Variants in LSMEM2 observed in about 807,000 individuals in gnomAD.
The protein encoded by LSMEM2 is leucine-rich single-pass membrane protein 2.
LSMEM2 carries 20 observed loss-of-function variants against 17.3 expected under a neutral mutation model. The observed-to-expected ratio is 1.16, with a 90% confidence interval of 0.81 to 1.68. LSMEM2 has a LOEUF of 1.68. Among genes scored for constraint, LSMEM2 ranks in the 40% most tolerant of loss-of-function variants. The probability of loss-of-function intolerance (pLI) is 0.00; values close to 1 mark genes in which losing one functional copy is unlikely to be tolerated. For synonymous variants in LSMEM2, 94 were observed against 97.8 expected (o/e 0.96, Z 0.23); for missense variants, 207 against 214.3 (o/e 0.97, Z 0.21).
chr3:50,278,932 T>C, upstream of LSMEM2: 1 of 626,062 alleles, frequency 1.6e-6, no homozygotes, highest in South Asian at 1.9e-5. Flanking sequence ...CCTCACCAGG[T>C]AGATAGTTCA....
intron 1 of LSMEM2, among the ~76,000 whole-genome samples, chr3:50,285,652 A>G (rs1459961554): frequency 6.6e-6 from 1 of 152,182 alleles, no homozygotes; most frequent in East Asian, 1.9e-4. Context: ...AAAACAAACA[A>G]ACAAACAAAA....
chr3:50,279,665 A>G (rs1352078226), intron 1 of LSMEM2, among the ~76,000 whole-genome samples: 1 of 152,128 alleles, frequency 6.6e-6, no homozygotes, highest in African/African-American at 2.4e-5. Flanking sequence ...GGTCAGACAG[A>G]GACTCAGCTA....
intron 1 of LSMEM2, 53 bp from the exon 2 acceptor site, chr3:50,286,418 A>C (rs1701527662): frequency 6.6e-7 from 1 of 1,526,174 alleles, no homozygotes; most frequent in Admixed American, 2.1e-5. Context: ...CACCTGGTAG[A>C]AGGAAGGGGG....
At position 50,287,198 on chromosome 3, in the gene LSMEM2, G is replaced by A. The variant is rs1553708721; in HGVS notation, c.491G>A (p.Ser164Asn). The change falls in exon 4 of 4, where the codon AGC becomes AAC. Residue 164 changes from serine (S) to asparagine (N), a missense_variant. Physicochemically the swap from Ser to Asn is conservative, Grantham distance 46. Transcript: ENST00000316436. ...AACTCCAGTGAGGCCCAAGCACCCA[G>A]CTGAGATGCCATTTGGATCTGGGGC... ...RLNSSEAQAP[S>N] 1 of 1,613,224 alleles carries A rather than the reference G, an allele frequency of 6.2e-7. No homozygotes were observed. Among genetic ancestry groups the A allele is most frequent in the South Asian group, 1.1e-5 (1 of 91,078 alleles).
At chr3:50,286,374 T>A (rs1473560806) in intron 1 of LSMEM2, 97 bp from the exon 2 acceptor site, 11 of 1,468,986 alleles carry the variant, frequency 7.5e-6, no homozygotes, top group Non-Finnish European at 9.9e-6. Context: ...TGTCCCACTA[T>A]CCCTATCATC....
At chr3:50,283,990 G>A (rs1343718030) in intron 1 of LSMEM2, among the ~76,000 whole-genome samples, 1 of 152,152 alleles carries the variant, frequency 6.6e-6, no homozygotes, top group Non-Finnish European at 1.5e-5. Context: ...TGGATCACTT[G>A]AGGTCAGGAG....
intron 1 of LSMEM2, among the ~76,000 whole-genome samples, chr3:50,285,533 A>G (rs1553708279): frequency 1.3e-5 from 2 of 151,836 alleles, no homozygotes; most frequent in African/African-American, 4.8e-5. Context: ...CCAGCTACTC[A>G]GGAGGCTGAT....
intron 1 of LSMEM2, among the ~76,000 whole-genome samples, chr3:50,280,923 T>TA (rs1701381322): frequency 1.3e-5 from 2 of 152,106 alleles, no homozygotes. Flanking sequence ...GTGCTGGGAT[T>TA]AGAGGCATAA....
In LSMEM2 at chr3:50,287,207, C is replaced by G. The variant is rs1470347262; in HGVS notation, c.*5C>G. 1 of 1,613,468 alleles carries G rather than the reference C, an allele frequency of 6.2e-7. No individual in the cohort carries two copies. The highest frequency in any genetic ancestry group is 2.2e-5 in the East Asian group (1 of 44,792). On this transcript the variant is annotated 3_prime_UTR_variant, in exon 4 of 4. Coordinates refer to ENST00000316436, the MANE Select transcript of LSMEM2 (RefSeq NM_153215.3). ...GAGGCCCAAGCACCCAGCTGAGATGCCATTTGGATCTGGGGCCTGGGGGTG... is the reference window on the plus strand; with the variant it reads ...GAGGCCCAAGCACCCAGCTGAGATGGCATTTGGATCTGGGGCCTGGGGGTG...
chr3:50,283,626 CAAAAAAAAAAA>C (rs782534727), intron 1 of LSMEM2, among the ~76,000 whole-genome samples: 2 of 53,594 alleles, frequency 3.7e-5, no homozygotes, highest in Non-Finnish European at 7.3e-5. Context: ...GACTCCATCT[CAAAAAAAAAAA>C]AAAAAAAAAA....
At chr3:50,278,982 G>A (rs1371410353), upstream of LSMEM2, 3 of 934,870 alleles carry the variant, frequency 3.2e-6, no homozygotes, top group Non-Finnish European at 3.3e-6. Flanking sequence ...TCCCATGGCT[G>A]AGGGCTGCCC....
rs12493693 is a variant in LSMEM2 at position 50,285,500 on chromosome 3, C to T, written c.59-971C>T. Among the ~76,000 whole-genome samples the T allele has an allele frequency of 0.054, 8,105 of 149,642 alleles. 1,541 individuals carry two copies. In the East Asian group the frequency reaches 0.61, roughly 11 times the overall value. ...ACCAAAAATACAAAAATTAGCTGGG[C>T]GTGGTGGCACACGCCTGTAATCCCA... On this transcript the variant is annotated intron_variant, in intron 1 of 3. Coordinates refer to ENST00000316436, the MANE Select transcript of LSMEM2 (RefSeq NM_153215.3).
upstream of LSMEM2, among the ~76,000 whole-genome samples, chr3:50,278,280 G>A (rs1323867379): frequency 6.6e-6 from 1 of 152,230 alleles, no homozygotes; most frequent in Non-Finnish European, 1.5e-5. Flanking sequence ...AAAGCTGGAA[G>A]CTGGACCACC....
At chr3:50,279,278 A>G in intron 1 of LSMEM2, 107 bp downstream of exon 1, 1 of 1,036,986 alleles carries the variant, frequency 9.6e-7, no homozygotes, top group Non-Finnish European at 1.5e-6. Flanking sequence ...TTGAGTAGTT[A>G]GTTACCCATT....
intron 1 of LSMEM2, among the ~76,000 whole-genome samples, 199 bp downstream of exon 1, chr3:50,279,370 C>G (rs1701343062): frequency 6.6e-6 from 1 of 152,234 alleles, no homozygotes. Context: ...CTTGTCACCT[C>G]AGGCCCTGCT....
chr3:50,287,078 G>T lies in LSMEM2; in HGVS notation c.371G>T (p.Ser124Ile). 6.2e-7 allele frequency: 1 copy of T among 1,614,174 alleles called. No homozygotes were observed. Among genetic ancestry groups the T allele is most frequent in the Non-Finnish European group, 8.5e-7 (1 of 1,180,018 alleles). ...LLAVYLSVLQSESLRILAHTL... is the reference protein window; with the variant it reads ...LLAVYLSVLQIESLRILAHTL... ...CACTTCCCATTCACAGTGCTGCAGA[G>T]TGAATCCCTGCGCATCCTGGCACAC... The change falls in exon 4 of 4, where the codon AGT becomes ATT. Residue 124 changes from serine (S) to isoleucine (I), a missense_variant. Physicochemically the swap from Ser to Ile is moderately radical, Grantham distance 142. Coordinates refer to ENST00000316436, the MANE Select transcript of LSMEM2 (RefSeq NM_153215.3).
Position 50,286,546 on chromosome 3 carries a change from T to A in LSMEM2, c.134T>A (p.Leu45Gln). 6.2e-7 allele frequency: 1 copy of A among 1,612,480 alleles called. No individual in the cohort carries two copies. The highest frequency in any genetic ancestry group is 8.5e-7 in the Non-Finnish European group (1 of 1,179,416). Residue 45 changes from leucine to glutamine, a missense_variant, in exon 2 of 4, where the codon CTG (leucine) becomes CAG (glutamine). Transcript: ENST00000316436. ...CCCAACCACGTGCATGAGGTATGCCTGCACCAGGTGGAGTCCATCAGCGAC... is the reference window on the plus strand; with the variant it reads ...CCCAACCACGTGCATGAGGTATGCCAGCACCAGGTGGAGTCCATCAGCGAC... ...LAPNHVHEVC[L>Q]HQVESISDLH...
chr3:50,283,006 G>A (rs1400068342), intron 1 of LSMEM2, among the ~76,000 whole-genome samples: 1 of 151,904 alleles, frequency 6.6e-6, no homozygotes, highest in Non-Finnish European at 1.5e-5. Context: ...CCAACATGGT[G>A]AAACCCCGTC....
chr3:50,287,877 C>T lies in LSMEM2; in HGVS notation c.*675C>T, dbSNP rs1474478084. ...TGCCACCACCCCCCTAAGAGTGGGT[C>T]ATCCTGGGGGAGCAAGGCCTGAGAA... is the stretch of plus-strand genomic sequence containing the variant. On this transcript the variant is annotated 3_prime_UTR_variant, in exon 4 of 4. Coordinates refer to ENST00000316436, the MANE Select transcript of LSMEM2 (RefSeq NM_153215.3). The T allele has an allele frequency of 5.5e-6, 2 of 364,144 alleles. No individual in the cohort carries two copies. Among genetic ancestry groups the T allele is most frequent in the Admixed American group, 4.1e-5 (1 of 24,654 alleles). The allele number at this position is 364,144 out of a possible 1,614,324, so 22.6% of individuals were successfully genotyped here.
Sources: allele counts gnomAD v4.1 joint callset (sites outside exome capture counted in the v4.1 genomes callset), GRCh38; gene constraint gnomAD v4.1.1; transcripts MANE v1.5; gene names NCBI Gene and HGNC (gene_info 2026-07-23, HGNC 2026-07-21).